The following AUH variants were observed in gnomAD, a reference collection of about 807,000 sequenced individuals.
AUH encodes the protein AU RNA binding methylglutaconyl-CoA hydratase.
In AUH, 29 loss-of-function variants were observed where a neutral mutation model predicts 42.3. The observed-to-expected ratio is 0.69, with a 90% CI of 0.51 to 0.93. AUH has a LOEUF of 0.93. Among genes scored for constraint, AUH ranks in the 40% least tolerant of loss-of-function variants. AUH has a pLI of 0.00. For synonymous variants in AUH, 174 were observed against 166.4 expected, an observed-to-expected ratio of 1.05 and a Z score of -0.35; for missense variants, 452 against 438.1, an observed-to-expected ratio of 1.03 and a Z score of -0.28.
intron 3 of AUH, among the ~76,000 whole-genome samples, chr9:91,355,326 G>A (rs573763884): frequency 6.6e-6 from 1 of 152,332 alleles, no homozygotes; most frequent in East Asian, 1.9e-4. Context: ...GAAGGCCAAA[G>A]ATGGTGGGTC....
intron 6 of AUH, among the ~76,000 whole-genome samples, chr9:91,244,435 G>A (rs887621365): frequency 6.6e-6 from 1 of 152,194 alleles, no homozygotes; most frequent in East Asian, 1.9e-4. Context: ...ATATTAAACT[G>A]AATATAAACT....
intron 3 of AUH, among the ~76,000 whole-genome samples, chr9:91,335,354 T>C (rs1378974631): frequency 6.6e-6 from 1 of 152,128 alleles, no homozygotes; most frequent in Non-Finnish European, 1.5e-5. Context: ...TTATTGCACA[T>C]TCTTAACATT....
At chr9:91,251,949 T>TA (rs987220380) in intron 6 of AUH, among the ~76,000 whole-genome samples, 27 of 152,312 alleles carry the variant, frequency 1.8e-4, no homozygotes, top group East Asian at 1.5e-3. Flanking sequence ...TTATTTTTTT[T>TA]AATCTCTTTT....
intron 4 of AUH, among the ~76,000 whole-genome samples, chr9:91,308,572 G>A (rs558436906): frequency 8.6e-5 from 13 of 151,988 alleles, no homozygotes; most frequent in African/African-American, 2.9e-4. Flanking sequence ...ACCATAATTC[G>A]GCACTTCAAA....
chr9:91,275,176 G>A (rs1182315303), intron 6 of AUH, among the ~76,000 whole-genome samples: 1 of 152,086 alleles, frequency 6.6e-6, no homozygotes, highest in East Asian at 1.9e-4. Flanking sequence ...GACCACTCTT[G>A]CACTTAAGGA....
At chr9:91,327,029 A>G (rs1830008991) in intron 3 of AUH, among the ~76,000 whole-genome samples, 1 of 152,074 alleles carries the variant, frequency 6.6e-6, no homozygotes, top group African/African-American at 2.4e-5. Flanking sequence ...TCCTGAGTTC[A>G]TTCACTCTCC....
At chr9:91,328,794 TAG>T (rs1270992393) in intron 3 of AUH, among the ~76,000 whole-genome samples, 1 of 152,214 alleles carries the variant, frequency 6.6e-6, no homozygotes, top group Admixed American at 6.5e-5. Flanking sequence ...TTACATAAAA[TAG>T]AGTTCAGCCA....
chr9:91,252,768 G>A (rs1487868243), intron 6 of AUH, among the ~76,000 whole-genome samples: 3 of 152,178 alleles, frequency 2.0e-5, no homozygotes, highest in African/African-American at 7.2e-5. Context: ...TATCATAAAA[G>A]CCTTAAGGCA....
rs375530104 is a variant in AUH, at chr9:91,320,244, G to T, written c.505+5074C>A. Among the ~76,000 whole-genome samples, 16 of 152,286 alleles carry T rather than the reference G, an allele frequency of 1.1e-4. No homozygotes were observed. The East Asian group carries it at 2.3e-3, about 22-fold the overall frequency. Reference sequence around the variant, plus strand: ...AAATATACGGTTTTAGAATCTGTACGTATGCATATCTTGTTTCTAACTGTT... The same window carrying T: ...AAATATACGGTTTTAGAATCTGTACTTATGCATATCTTGTTTCTAACTGTT... On this transcript the variant is annotated intron_variant, in intron 4 of 9. Transcript: ENST00000375731.
In AUH at chr9:91,361,881, G is replaced by C; in HGVS notation, c.9C>G (p.Ala3=). 1 of 1,465,480 alleles carries C rather than the reference G, an allele frequency of 6.8e-7. No individual in the cohort carries two copies. The highest frequency in any genetic ancestry group is 2.9e-5 in the East Asian group (1 of 34,354). The allele number at this position is 1,465,480 out of a possible 1,614,324, so 90.8% of individuals were successfully genotyped here. A position where few individuals can be genotyped will look rare whatever the true frequency, so the allele number is the denominator to read the frequency against. MA[A]AVAAAPGALG... is the part of the protein sequence containing the mutation. Reference sequence around the variant, plus strand: ...AGGCCCCAGGTGCCGCCGCCACCGCGGCCGCCATGTTGTCTGTTTACGGCG... The same window carrying C: ...AGGCCCCAGGTGCCGCCGCCACCGCCGCCGCCATGTTGTCTGTTTACGGCG... The change falls in exon 1 of 10, where the codon GCC becomes GCG. Residue 3 remains alanine, a synonymous_variant. Transcript: ENST00000375731.
intron 7 of AUH, chr9:91,219,068 T>C (rs1181608155): frequency 1.0e-6 from 1 of 980,406 alleles, no homozygotes; most frequent in Non-Finnish European, 1.2e-6. Context: ...AACCACACAA[T>C]GGGATGCGGC....
intron 9 of AUH, 66 bp downstream of exon 9, chr9:91,215,993 A>C: frequency 6.7e-7 from 1 of 1,491,086 alleles, no homozygotes; most frequent in Non-Finnish European, 9.3e-7. Context: ...ATTCATTTGA[A>C]TTATACAGAA....
At chr9:91,321,317 T>A (rs1829550946) in intron 4 of AUH, among the ~76,000 whole-genome samples, 1 of 152,216 alleles carries the variant, frequency 6.6e-6, no homozygotes, top group Admixed American at 6.5e-5. Flanking sequence ...ATTCAAGATG[T>A]TCTAAGTTTA....
intron 6 of AUH, among the ~76,000 whole-genome samples, chr9:91,293,404 C>T (rs1827070303): frequency 6.6e-6 from 1 of 152,182 alleles, no homozygotes; most frequent in South Asian, 2.1e-4. Flanking sequence ...CCAGTGAACA[C>T]AGGAATAAGA....
chr9:91,354,939 C>T (rs567846785), intron 3 of AUH, among the ~76,000 whole-genome samples: 1 of 152,128 alleles, frequency 6.6e-6, no homozygotes, highest in South Asian at 2.1e-4. Flanking sequence ...ACAAAGAACT[C>T]AAAATATACA....
chr9:91,294,319 G>T lies in AUH; in HGVS notation c.655+1702C>A, dbSNP rs1827141994. On this transcript the variant is annotated intron_variant, in intron 6 of 9. Coordinates refer to ENST00000375731, the MANE Select transcript of AUH (RefSeq NM_001698.3). ...AATCCCAGCACTTTGGGAGCTTGAG[G>T]CAGGCAGATCATGAGGTCAAGAGAT... Among the ~76,000 whole-genome samples, 11 of 152,300 alleles carry T rather than the reference G, an allele frequency of 7.2e-5. No individual in the cohort carries two copies. The South Asian group carries it at 2.3e-3, about 32-fold the overall frequency.
intron 3 of AUH, among the ~76,000 whole-genome samples, chr9:91,334,439 G>C: frequency 6.6e-6 from 1 of 152,304 alleles, no homozygotes; most frequent in Admixed American, 6.5e-5. Flanking sequence ...CCGCCCCACT[G>C]CTAGAGTTGG....
At chr9:91,236,635 G>C (rs10991836) in intron 6 of AUH, among the ~76,000 whole-genome samples, 2 of 152,194 alleles carry the variant, frequency 1.3e-5, no homozygotes, top group African/African-American at 4.8e-5. Context: ...TCGAGATTCA[G>C]AACAGAGCAG....
chr9:91,274,917 GCTCT>G (rs1485767207), intron 6 of AUH, among the ~76,000 whole-genome samples: 1 of 152,148 alleles, frequency 6.6e-6, no homozygotes, highest in Non-Finnish European at 1.5e-5. Context: ...TCTGAAACTT[GCTCT>G]CTAAGGGAAA....
Sources: allele counts gnomAD v4.1 joint callset (sites outside exome capture counted in the v4.1 genomes callset), GRCh38; gene constraint gnomAD v4.1.1; transcripts MANE v1.5; gene names NCBI Gene and HGNC (gene_info 2026-07-23, HGNC 2026-07-21).